The following AFF2 variants were observed in gnomAD, a reference collection of about 807,000 sequenced individuals.
AFF2 encodes AF4/FMR2 family member 2.
Under a neutral mutation model 76.9 loss-of-function variants are expected in AFF2, and 14 were observed. That is an observed-to-expected ratio of 0.18 (90% CI 0.12 to 0.28). AFF2 has a LOEUF of 0.28. Among genes scored for constraint, AFF2 ranks in the 10% least tolerant of loss-of-function variants. The pLI, the probability that AFF2 is intolerant of heterozygous loss-of-function variation, is 1.00. For missense variants in AFF2, 868 were observed against 1,001.1 expected, an observed-to-expected ratio of 0.87 and a Z score of 1.79; for synonymous variants, 398 against 366.7, an observed-to-expected ratio of 1.09 and a Z score of -0.98.
At chrX:148,545,435 C>CT (rs1436217692) in intron 1 of AFF2, among the ~76,000 whole-genome samples, 1 of 111,993 alleles carries the variant, frequency 8.9e-6, no homozygotes, top group East Asian at 2.8e-4. Context: ...GTTGGAAAGC[C>CT]TTTTTGTCAC....
At chrX:148,941,307 C>T (rs1358716533) in intron 9 of AFF2, among the ~76,000 whole-genome samples, 3 of 111,598 alleles carry the variant, frequency 2.7e-5, no homozygotes, top group African/African-American at 9.8e-5. Flanking sequence ...CCTTCAACCT[C>T]ATATTTAATC....
chrX:148,716,938 T>C (rs1271929310), intron 3 of AFF2, among the ~76,000 whole-genome samples: 3 of 111,168 alleles, frequency 2.7e-5, no homozygotes, highest in Admixed American at 1.9e-4. Context: ...ATAAGCACAA[T>C]AAGGAAAGTA....
At chrX:148,508,625 T>C (rs2052450205) in intron 1 of AFF2, among the ~76,000 whole-genome samples, 1 of 111,850 alleles carries the variant, frequency 8.9e-6, no homozygotes, top group African/African-American at 3.3e-5. Flanking sequence ...TGCAATTACG[T>C]AGGCTTTATT....
intron 4 of AFF2, among the ~76,000 whole-genome samples, chrX:148,828,615 CTGCTGAAACCTTT>C (rs1318853947): frequency 8.9e-6 from 1 of 112,204 alleles, no homozygotes; most frequent in African/African-American, 3.2e-5. Context: ...GAGGTTGCTG[CTGCTGAAACCTTT>C]TGCTGAACTA....
chrX:148,945,618 C>T (rs1174825420), intron 9 of AFF2, among the ~76,000 whole-genome samples: 1 of 112,098 alleles, frequency 8.9e-6, no homozygotes, highest in African/African-American at 3.2e-5. Flanking sequence ...TTAGAATCTG[C>T]AGGTTAATAA....
chrX:148,985,390 C>T (rs1231067714), intron 19 of AFF2, among the ~76,000 whole-genome samples: 1 of 98,263 alleles, frequency 1.0e-5, no homozygotes, highest in Non-Finnish European at 2.0e-5. Flanking sequence ...CAGCCTCAGT[C>T]TCCTGGGCTC....
intron 1 of AFF2, among the ~76,000 whole-genome samples, chrX:148,533,533 C>T (rs1326825520): frequency 9.0e-6 from 1 of 111,411 alleles, no homozygotes; most frequent in Non-Finnish European, 1.9e-5. Flanking sequence ...ACCTCGTGAT[C>T]CGCCTGCATC....
chrX:148,537,219 G>T (rs2052795549), intron 1 of AFF2, among the ~76,000 whole-genome samples: 2 of 112,286 alleles, frequency 1.8e-5, no homozygotes, highest in African/African-American at 6.5e-5. Context: ...GAGCATACAA[G>T]AGGTTTGGAA....
chrX:148,757,895 G>C (rs1557267019), intron 3 of AFF2, among the ~76,000 whole-genome samples: 1 of 112,146 alleles, frequency 8.9e-6, no homozygotes, highest in Non-Finnish European at 1.9e-5. Context: ...AAAAACAAAA[G>C]TTCGTTCTCA....
intron 3 of AFF2, among the ~76,000 whole-genome samples, chrX:148,787,615 C>T (rs1557269633): frequency 1.8e-5 from 2 of 111,779 alleles, no homozygotes; most frequent in African/African-American, 6.5e-5. Context: ...AGTTCAGTAA[C>T]ACAAGAGTGT....
At chrX:148,749,367 G>A (rs2055469286) in intron 3 of AFF2, among the ~76,000 whole-genome samples, 1 of 109,760 alleles carries the variant, frequency 9.1e-6, no homozygotes, top group Non-Finnish European at 1.9e-5. Context: ...GGACTCCCGG[G>A]CTCAACAGAT....
intron 3 of AFF2, among the ~76,000 whole-genome samples, chrX:148,754,950 GA>G (rs782354044): frequency 1.0e-3 from 115 of 111,843 alleles, no homozygotes; most frequent in Non-Finnish European, 1.7e-3. Flanking sequence ...CATCTTTAAG[GA>G]TTCTGAATAA....
At chrX:148,781,933 G>A (rs2069751381) in intron 3 of AFF2, among the ~76,000 whole-genome samples, 1 of 111,257 alleles carries the variant, frequency 9.0e-6, no homozygotes, top group African/African-American at 3.3e-5. Context: ...CTTTAGTTAG[G>A]GGAGGGAGTT....
chrX:148,732,512 A>G (rs1250001625), intron 3 of AFF2, among the ~76,000 whole-genome samples: 25 of 93,877 alleles, frequency 2.7e-4, no homozygotes, highest in African/African-American at 8.8e-4. Flanking sequence ...CCAGCATGGC[A>G]CATGTATACA....
Position 148,813,874 on chromosome X carries a change from T to C in AFF2, c.1086+3954T>C, listed in dbSNP as rs72611267. ...GTTTTTTGAACAAACTAGAATTCAC[T>C]GGCCTACAACACCTTTTCACCAAAC... On this transcript the variant is annotated intron_variant, in intron 4 of 20. Coordinates refer to ENST00000370460, the MANE Select transcript of AFF2 (RefSeq NM_002025.4). 9.8e-5 allele frequency among the ~76,000 whole-genome samples: 11 copies of C among 112,516 alleles called. No individual in the cohort carries two copies. The East Asian group carries it at 2.8e-3, about 29-fold the overall frequency.
At position 148,633,823 on chromosome X, in the gene AFF2, T is replaced by A. The variant is rs1041545691; in HGVS notation, c.48-18176T>A. ...AGTGAAACTTCCAAAACTCATTTTA[T>A]CTGTTCAGCCTCCTGTTTACAAACC... is the stretch of plus-strand genomic sequence containing the variant. On this transcript the variant is annotated intron_variant, in intron 1 of 20. Transcript: ENST00000370460. 2.7e-5 allele frequency among the ~76,000 whole-genome samples: 3 copies of A among 112,810 alleles called. No individual in the cohort carries two copies. The Admixed American group carries it at 2.8e-4, about 11-fold the overall frequency.
chrX:148,938,434 T>C (rs2071797205), intron 9 of AFF2, among the ~76,000 whole-genome samples: 1 of 112,193 alleles, frequency 8.9e-6, no homozygotes, highest in African/African-American at 3.2e-5. Context: ...ATTCTCCATA[T>C]CTTTATAAAG....
intron 1 of AFF2, among the ~76,000 whole-genome samples, chrX:148,516,402 G>T (rs1423684285): frequency 1.8e-5 from 2 of 111,551 alleles, no homozygotes; most frequent in African/African-American, 6.5e-5. Context: ...GCCACAATAT[G>T]AGAACCCCAA....
intron 3 of AFF2, among the ~76,000 whole-genome samples, chrX:148,796,028 G>A (rs960371182): frequency 8.7e-5 from 9 of 104,036 alleles, no homozygotes; most frequent in African/African-American, 3.1e-4. Flanking sequence ...TACTATTTTA[G>A]GTTTAGAAGG....
Sources: allele counts gnomAD v4.1 joint callset (sites outside exome capture counted in the v4.1 genomes callset), GRCh38; gene constraint gnomAD v4.1.1; transcripts MANE v1.5; gene names NCBI Gene and HGNC (gene_info 2026-07-23, HGNC 2026-07-21).